LINGO2: variants seen among roughly 807,000 people sequenced by gnomAD.
The protein encoded by LINGO2 is leucine-rich repeat and immunoglobulin-like domain-containing nogo receptor-interacting protein 2.
LINGO2 carries 14 observed loss-of-function variants against 30.6 expected under a neutral mutation model. The ratio of observed to expected loss-of-function variants is 0.46; its 90% confidence interval spans 0.30 to 0.72. The LOEUF (loss-of-function observed/expected upper bound fraction) is 0.72. Ranked by LOEUF, LINGO2 falls within the 30% of genes least tolerant of loss-of-function variation. The pLI is 0.07. For missense variants in LINGO2, 729 were observed against 751.7 expected (o/e 0.97, Z 0.35); for synonymous variants, 317 against 288.5 (o/e 1.10, Z -1.00).
At chr9:28,992,837 C>G in the LINGO2 span, among the ~76,000 whole-genome samples, 1 of 151,850 alleles carries the variant, frequency 6.6e-6, no homozygotes, top group Non-Finnish European at 1.5e-5. Context: ...ACACAACATA[C>G]CAGAATCTCT....
At chr9:28,483,734 C>G (rs1826063721) in intron 1 of LINGO2, among the ~76,000 whole-genome samples, 1 of 151,830 alleles carries the variant, frequency 6.6e-6, no homozygotes, top group Non-Finnish European at 1.5e-5. Flanking sequence ...TTACTTTATT[C>G]TAAAACTTAT....
the LINGO2 span, among the ~76,000 whole-genome samples, chr9:28,819,087 A>C: frequency 6.6e-6 from 1 of 152,208 alleles, no homozygotes; most frequent in Non-Finnish European, 1.5e-5. Context: ...AGAAGCCCCA[A>C]ATCCTTCAGC....
At chr9:28,013,763 C>CA (rs1448014234) in intron 4 of LINGO2, among the ~76,000 whole-genome samples, 2 of 152,154 alleles carry the variant, frequency 1.3e-5, no homozygotes, top group African/African-American at 2.4e-5. Flanking sequence ...CCCCTACTTT[C>CA]AACTTGGAGT....
At chr9:28,066,760 C>T (rs1825325461) in intron 4 of LINGO2, among the ~76,000 whole-genome samples, 1 of 151,976 alleles carries the variant, frequency 6.6e-6, no homozygotes, top group Non-Finnish European at 1.5e-5. Context: ...TCTGAATGCC[C>T]AATTTGCTTT....
intron 1 of LINGO2, among the ~76,000 whole-genome samples, chr9:28,654,023 G>A (rs1828228484): frequency 6.6e-6 from 1 of 152,038 alleles, no homozygotes; most frequent in South Asian, 2.1e-4. Context: ...ATGCTAAATA[G>A]TATAAATAAC....
chr9:28,799,079 T>C, the LINGO2 span, among the ~76,000 whole-genome samples: 3 of 152,054 alleles, frequency 2.0e-5, no homozygotes, highest in African/African-American at 7.2e-5. Context: ...TATAATTTTA[T>C]GGAGAACAAA....
At chr9:28,205,990 C>T (rs532700605) in intron 4 of LINGO2, among the ~76,000 whole-genome samples, 2 of 151,698 alleles carry the variant, frequency 1.3e-5, no homozygotes, top group African/African-American at 2.4e-5. Flanking sequence ...TATGGAAAAA[C>T]CCTGTCTCTA....
chr9:28,013,962 G>C (rs1822688980), intron 4 of LINGO2, among the ~76,000 whole-genome samples: 1 of 152,262 alleles, frequency 6.6e-6, no homozygotes, highest in South Asian at 2.1e-4. Flanking sequence ...AATCAAACTA[G>C]TTACATTGCT....
intron 3 of LINGO2, among the ~76,000 whole-genome samples, chr9:28,307,985 C>T (rs1243389301): frequency 7.9e-5 from 12 of 151,622 alleles, no homozygotes; most frequent in Admixed American, 5.9e-4. Context: ...GAATCAATAT[C>T]GTGAAAATGG....
chr9:29,080,315 T>A, the LINGO2 span, among the ~76,000 whole-genome samples: 1 of 152,120 alleles, frequency 6.6e-6, no homozygotes, highest in Non-Finnish European at 1.5e-5. Context: ...TTTTATTGCA[T>A]CTATTTCATT....
At chr9:28,801,150 G>A in the LINGO2 span, among the ~76,000 whole-genome samples, 1 of 152,066 alleles carries the variant, frequency 6.6e-6, no homozygotes, top group Non-Finnish European at 1.5e-5. Flanking sequence ...GACCATGCAA[G>A]AAGCTTGAGT....
intron 2 of LINGO2, among the ~76,000 whole-genome samples, chr9:28,423,783 C>G (rs10123657): frequency 0.46 from 70,457 of 151,826 alleles, 16,618 homozygotes; most frequent in Admixed American, 0.5. Flanking sequence ...TGCTTCTCGG[C>G]TTGGGTGAAT....
At chr9:29,186,200 C>G in the LINGO2 span, among the ~76,000 whole-genome samples, 1 of 152,082 alleles carries the variant, frequency 6.6e-6, no homozygotes, top group South Asian at 2.1e-4. Flanking sequence ...ATAACCAACA[C>G]CTATAAAAAT....
At chr9:28,078,407 C>A (rs1442278714) in intron 4 of LINGO2, among the ~76,000 whole-genome samples, 1 of 148,840 alleles carries the variant, frequency 6.7e-6, no homozygotes, top group Non-Finnish European at 1.5e-5. Flanking sequence ...CTTTAGAGAA[C>A]TTAAAGAAAT....
At chr9:28,691,787 C>T in the LINGO2 span, among the ~76,000 whole-genome samples, 1 of 152,150 alleles carries the variant, frequency 6.6e-6, no homozygotes, top group Admixed American at 6.6e-5. Context: ...AATAGGAATG[C>T]ATCTGGCTAC....
chr9:28,282,672 A>G (rs898823560), intron 4 of LINGO2, among the ~76,000 whole-genome samples: 36 of 152,126 alleles, frequency 2.4e-4, no homozygotes, highest in Admixed American at 1.8e-3. Context: ...TCAATTTTGC[A>G]TCAACTATGC....
At chr9:29,091,738 T>C in the LINGO2 span, among the ~76,000 whole-genome samples, 1 of 152,028 alleles carries the variant, frequency 6.6e-6, no homozygotes, top group South Asian at 2.1e-4. Context: ...AACAAAATAA[T>C]TTTAACTCTA....
chr9:28,020,519 ACT>A (rs1012018123), intron 4 of LINGO2, among the ~76,000 whole-genome samples: 11 of 144,582 alleles, frequency 7.6e-5, no homozygotes, highest in African/African-American at 2.6e-4. Flanking sequence ...ACAGAGTGAG[ACT>A]CTGTCTTATA....
chr9:28,011,896 G>A lies in LINGO2; in HGVS notation c.-36+459C>T, dbSNP rs189063023. 3.1e-3 allele frequency among the ~76,000 whole-genome samples: 476 copies of A among 151,864 alleles called. 7 individuals are homozygous for A. Among genetic ancestry groups the A allele is most frequent in the Non-Finnish European group, 1.0e-3 (71 of 68,014 alleles). ...CAGATCCACATGTATGCCAACAACT[G>A]CCCTGCATGTCAAAGGGAATGTTGG... On this transcript the variant is annotated intron_variant, in intron 5 of 5. Coordinates refer to ENST00000379992, the Ensembl canonical transcript of LINGO2.
Sources: allele counts gnomAD v4.1 joint callset (sites outside exome capture counted in the v4.1 genomes callset), GRCh38; gene constraint gnomAD v4.1.1; transcripts MANE v1.5; gene names NCBI Gene and HGNC (gene_info 2026-07-23, HGNC 2026-07-21).